Variants in ERBB4 observed in about 807,000 individuals in gnomAD.
ERBB4 encodes the protein erb-b2 receptor tyrosine kinase 4.
In ERBB4, 42 loss-of-function variants were observed where a neutral mutation model predicts 158.0. The ratio of observed to expected loss-of-function variants is 0.27; its 90% confidence interval spans 0.21 to 0.34. The LOEUF is 0.34. Ranked by LOEUF, ERBB4 falls within the 10% of genes least tolerant of loss-of-function variation. The pLI is 1.00. For synonymous variants in ERBB4, 583 were observed against 558.7 expected (o/e 1.04, Z -0.61); for missense variants, 1,333 against 1,624.1 (o/e 0.82, Z 3.08).
chr2:212,295,027 A>G (rs1376911825), intron 1 of ERBB4, among the ~76,000 whole-genome samples: 1 of 152,056 alleles, frequency 6.6e-6, no homozygotes, highest in Non-Finnish European at 1.5e-5. Context: ...CATAGGGAGA[A>G]CCAGCTGGCC....
At chr2:211,783,108 G>C (rs1277681718) in intron 4 of ERBB4, among the ~76,000 whole-genome samples, 1 of 152,094 alleles carries the variant, frequency 6.6e-6, no homozygotes, top group Non-Finnish European at 1.5e-5. Context: ...TGGATTCCTA[G>C]GTATTTTATT....
At chr2:211,624,121 CTCTT>C (rs1416511822) in intron 17 of ERBB4, 77 bp from the exon 18 acceptor site, 17 of 1,537,500 alleles carry the variant, frequency 1.1e-5, no homozygotes, top group African/African-American at 9.4e-5. Context: ...CTCTCTCTCT[CTCTT>C]TGGTTCTCTT....
chr2:211,823,664 C>T (rs1367728351), intron 3 of ERBB4, among the ~76,000 whole-genome samples: 2 of 151,944 alleles, frequency 1.3e-5, no homozygotes, highest in African/African-American at 4.8e-5. Context: ...AATACAAATT[C>T]ATATTTCTAC....
chr2:211,981,779 A>G (rs946660184), intron 2 of ERBB4, among the ~76,000 whole-genome samples: 7 of 152,116 alleles, frequency 4.6e-5, no homozygotes, highest in Non-Finnish European at 8.8e-5. Flanking sequence ...ACTCATAAAT[A>G]TTTGCATTTG....
intron 12 of ERBB4, among the ~76,000 whole-genome samples, chr2:211,692,293 C>T (rs180720163): frequency 6.6e-5 from 10 of 152,206 alleles, no homozygotes; most frequent in East Asian, 3.9e-4. Flanking sequence ...CAATTGTGTC[C>T]GAAAAGCTAT....
intron 1 of ERBB4, among the ~76,000 whole-genome samples, chr2:212,129,808 GT>G (rs544795223): frequency 6.6e-6 from 1 of 151,778 alleles, no homozygotes; most frequent in Non-Finnish European, 1.5e-5. Flanking sequence ...AGTCTTTGCA[GT>G]TTTTTTTACT....
At chr2:211,658,745 C>T (rs1426267053) in intron 15 of ERBB4, among the ~76,000 whole-genome samples, 9 of 152,010 alleles carry the variant, frequency 5.9e-5, no homozygotes. Flanking sequence ...AAATGAATTA[C>T]CTTTGAGACC....
intron 12 of ERBB4, among the ~76,000 whole-genome samples, chr2:211,689,284 T>G (rs1380154596): frequency 1.3e-5 from 2 of 152,130 alleles, no homozygotes; most frequent in Non-Finnish European, 2.9e-5. Flanking sequence ...AGCCTTGACC[T>G]CCTGCGCTCA....
chr2:211,626,828 G>C (rs1308125280), intron 17 of ERBB4, among the ~76,000 whole-genome samples: 1 of 151,936 alleles, frequency 6.6e-6, no homozygotes. Context: ...GGGAGGCTGA[G>C]ACAGGAGAAC....
chr2:211,433,946 G>A (rs372774135), intron 20 of ERBB4, among the ~76,000 whole-genome samples: 39 of 152,214 alleles, frequency 2.6e-4, no homozygotes, highest in African/African-American at 8.7e-4. Flanking sequence ...CTGCTCCTAC[G>A]TGTAAGAGTA....
intron 25 of ERBB4, among the ~76,000 whole-genome samples, chr2:211,409,722 G>T (rs3791699): frequency 6.6e-6 from 1 of 151,836 alleles, no homozygotes; most frequent in African/African-American, 2.4e-5. Context: ...TTTGACCAGG[G>T]GTGGGGGGAA....
intron 3 of ERBB4, among the ~76,000 whole-genome samples, chr2:211,933,748 C>G (rs370710552): frequency 6.6e-6 from 1 of 151,924 alleles, no homozygotes; most frequent in Non-Finnish European, 1.5e-5. Flanking sequence ...GACTCAGTTT[C>G]GAAATGAGAG....
intron 1 of ERBB4, among the ~76,000 whole-genome samples, chr2:212,409,115 A>C (rs1340356369): frequency 6.6e-6 from 1 of 152,144 alleles, no homozygotes; most frequent in East Asian, 1.9e-4. Flanking sequence ...ACTTCATTTT[A>C]ATTAAGTATC....
intron 16 of ERBB4, among the ~76,000 whole-genome samples, chr2:211,644,952 C>CA (rs2070731280): frequency 1.3e-5 from 2 of 151,774 alleles, no homozygotes; most frequent in Non-Finnish European, 2.9e-5. Context: ...TGAGTTTATG[C>CA]AAAATCTAAG....
intron 3 of ERBB4, among the ~76,000 whole-genome samples, chr2:211,838,793 T>A (rs1184278577): frequency 6.6e-6 from 1 of 151,816 alleles, no homozygotes; most frequent in Non-Finnish European, 1.5e-5. Context: ...GACTAACGGG[T>A]CTGTATTGGA....
intron 1 of ERBB4, among the ~76,000 whole-genome samples, chr2:212,531,194 T>C (rs942731161): frequency 2.0e-5 from 3 of 152,148 alleles, no homozygotes; most frequent in African/African-American, 2.4e-5. Flanking sequence ...TGACTCTTCT[T>C]GCCAAAACAA....
intron 1 of ERBB4, among the ~76,000 whole-genome samples, chr2:212,254,873 T>C (rs572520844): frequency 9.8e-5 from 15 of 152,298 alleles, no homozygotes; most frequent in Admixed American, 6.5e-4. Context: ...ATAACAGATA[T>C]ACTGTAAATA....
chr2:211,473,678 A>C (rs2064885448), intron 20 of ERBB4, among the ~76,000 whole-genome samples: 1 of 151,954 alleles, frequency 6.6e-6, no homozygotes, highest in South Asian at 2.1e-4. Flanking sequence ...GAGGGAACCA[A>C]ATGTTTACAG....
chr2:212,345,265 C>CAAAAAAAAAAAAAAAAAAAA lies in ERBB4; in HGVS notation c.82+193183_82+193184insTTTTTTTTTTTTTTTTTTTT, dbSNP rs367985477. On this transcript the variant is annotated intron_variant, in intron 1 of 27. Transcript: ENST00000342788. ...TGGGGGACAGAGCAAGACTCCGTCT[C>CAAAAAAAAAAAAAAAAAAAA]AAAAAAAAAAAAGCACTAAACACAT... Among the ~76,000 whole-genome samples, 55 of 77,690 alleles carry CAAAAAAAAAAAAAAAAAAAA rather than the reference C, an allele frequency of 7.1e-4. 11 individuals are homozygous for CAAAAAAAAAAAAAAAAAAAA. The highest frequency in any genetic ancestry group is 1.4e-3 in the African/African-American group (25 of 17,620). The allele number at this position is 77,690 out of a possible 152,430, so 51.0% of individuals were successfully genotyped here.
Sources: allele counts gnomAD v4.1 joint callset (sites outside exome capture counted in the v4.1 genomes callset), GRCh38; gene constraint gnomAD v4.1.1; transcripts MANE v1.5; gene names NCBI Gene and HGNC (gene_info 2026-07-23, HGNC 2026-07-21).